PCDHGA11: variants seen among roughly 807,000 people sequenced by gnomAD.
PCDHGA11 encodes protocadherin gamma subfamily A, 11.
A neutral mutation model predicts 60.4 loss-of-function variants in PCDHGA11; 39 were observed. The ratio of observed to expected loss-of-function variants is 0.65; its 90% CI spans 0.50 to 0.84. The LOEUF (loss-of-function observed/expected upper bound fraction) is 0.84. PCDHGA11 is among the 40% of genes least tolerant of loss of function. The pLI is 0.00. For synonymous variants in PCDHGA11, 533 were observed against 510.3 expected (o/e 1.04, Z -0.60); for missense variants, 1,165 against 1,197.7 (o/e 0.97, Z 0.40).
Position 141,438,593 on chromosome 5 carries a change from T to TAC in PCDHGA11, c.2433+14934_2433+14935insCA, listed in dbSNP as rs1414976871. Reference sequence around the variant, plus strand: ...TGATATACATACATACATACATACATATATATATATATATATATATATATA... The same window carrying TAC: ...TGATATACATACATACATACATACATACATATATATATATATATATATATATA... On this transcript the variant is annotated intron_variant, in intron 1 of 3. Transcript: ENST00000398587. Among the ~76,000 whole-genome samples the TAC allele has an allele frequency of 1.6e-3, 115 of 73,944 alleles. 1 individual carries two copies. The highest frequency in any genetic ancestry group is 2.9e-3 in the African/African-American group (63 of 21,786). The allele number at this position is 73,944 out of a possible 152,430, so 48.5% of individuals were successfully genotyped here. A position where few individuals can be genotyped will look rare whatever the true frequency, so the allele number is the denominator to read the frequency against.
intron 1 of PCDHGA11, chr5:141,427,807 A>C (rs1443881781): frequency 6.6e-7 from 1 of 1,522,050 alleles, no homozygotes; most frequent in South Asian, 1.1e-5. Flanking sequence ...GTGAGCGCAC[A>C]GAGCGGGGTG....
chr5:141,490,232 A>G lies in PCDHGA11; in HGVS notation c.2434-4575A>G. 6.2e-7 allele frequency: 1 copy of G among 1,614,216 alleles called. No homozygotes were observed. Among genetic ancestry groups the G allele is most frequent in the Non-Finnish European group, 8.5e-7 (1 of 1,180,032 alleles). ...CGTGACCAGGGACAGCCTGCCATGG[A>G]GGGCCACTGTGTGATTCAAGTGGAT... On this transcript the variant is annotated intron_variant, in intron 1 of 3. Transcript: ENST00000398587. This position sits in a 1 kb window ranked among gnomAD's most constrained non-coding sequence, Gnocchi z 5.4.
At position 141,512,430 on chromosome 5, in the gene PCDHGA11, CT is replaced by C. The variant is rs1357890225; in HGVS notation, c.*1258del. The C allele has an allele frequency of 1.3e-5, 2 of 152,824 alleles. No homozygotes were observed. Among genetic ancestry groups the C allele is most frequent in the Non-Finnish European group, 2.9e-5 (2 of 68,158 alleles). 9.5% of individuals were successfully genotyped at this position (152,824 alleles called of 1,614,324 possible). On this transcript the variant is annotated 3_prime_UTR_variant, in exon 4 of 4. Coordinates refer to ENST00000398587, the MANE Select transcript of PCDHGA11 (RefSeq NM_018914.3). ...CTTCTTCAACAGGGCCCCTGCCCTCCTGAAGCCTCAGTCCTTCACCTTGCCA... is the reference window on the plus strand; with the variant it reads ...CTTCTTCAACAGGGCCCCTGCCCTCCGAAGCCTCAGTCCTTCACCTTGCCA...
rs1386904017 is a variant in PCDHGA11 at position 141,476,642 on chromosome 5, CG to C, written c.2434-18164del. On this transcript the variant is annotated intron_variant, in intron 1 of 3. Coordinates refer to ENST00000398587, the MANE Select transcript of PCDHGA11 (RefSeq NM_018914.3). The surrounding 1 kb of genome is among the most constrained non-coding windows in gnomAD (Gnocchi z 7.6). ...CTCTTTACAAACCTATGAGCTGAGC[CG>C]AAATGAATACTTTGCGCTTCGCGTG... The C allele has an allele frequency of 2.5e-6, 4 of 1,614,240 alleles. No homozygotes were observed.
chr5:141,428,117 G>A lies in PCDHGA11; in HGVS notation c.2433+4457G>A, dbSNP rs980705077. 5 of 1,606,984 alleles carry A rather than the reference G, an allele frequency of 3.1e-6. No individual in the cohort carries two copies. The African/African-American group carries it at 6.7e-5, about 21-fold the overall frequency. Reference sequence around the variant, plus strand: ...CCTACCACGTGCTGCAGGCCATCGAGCCCGGGCTTTTCAGCCTGGGGCTGC... The same window carrying A: ...CCTACCACGTGCTGCAGGCCATCGAACCCGGGCTTTTCAGCCTGGGGCTGC... On this transcript the variant is annotated intron_variant, in intron 1 of 3. Coordinates refer to ENST00000398587, the MANE Select transcript of PCDHGA11 (RefSeq NM_018914.3).
In PCDHGA11 at chr5:141,476,659, G is replaced by A; in HGVS notation, c.2434-18148G>A. On this transcript the variant is annotated intron_variant, in intron 1 of 3. Coordinates refer to ENST00000398587, the MANE Select transcript of PCDHGA11 (RefSeq NM_018914.3). The surrounding 1 kb of genome is among the most constrained non-coding windows in gnomAD (Gnocchi z 7.6). ...AGCTGAGCCGAAATGAATACTTTGC[G>A]CTTCGCGTGCAGACGCGGGAGGACA... 2 of 1,614,252 alleles carry A rather than the reference G, an allele frequency of 1.2e-6. No homozygotes were observed. Among genetic ancestry groups the A allele is most frequent in the Non-Finnish European group, 8.5e-7 (1 of 1,180,048 alleles).
intron 1 of PCDHGA11, 62 bp downstream of exon 1, chr5:141,423,722 G>T: frequency 1.0e-6 from 1 of 954,174 alleles, no homozygotes; most frequent in Non-Finnish European, 1.3e-6. Flanking sequence ...TTAAGGAGAT[G>T]TTTTTTGAGC....
chr5:141,425,956 C>T (rs1221085532), intron 1 of PCDHGA11, among the ~76,000 whole-genome samples: 1 of 152,244 alleles, frequency 6.6e-6, no homozygotes, highest in Non-Finnish European at 1.5e-5. Flanking sequence ...ATACATTAGT[C>T]CAACACATCA....
At chr5:141,466,709 T>C (rs2099127779) in intron 1 of PCDHGA11, among the ~76,000 whole-genome samples, 1 of 152,212 alleles carries the variant, frequency 6.6e-6, no homozygotes, top group Non-Finnish European at 1.5e-5. Flanking sequence ...TGATGTCTGT[T>C]CTTGTTTCCA....
At position 141,464,036 on chromosome 5, in the gene PCDHGA11, G is replaced by A. The variant is rs907276618; in HGVS notation, c.2434-30771G>A. On this transcript the variant is annotated intron_variant, in intron 1 of 3. Coordinates refer to ENST00000398587, the MANE Select transcript of PCDHGA11 (RefSeq NM_018914.3). ...ATCCCACACTTTGGGAGGCCAAGGC[G>A]GGTGGATCACCTGAGGTCAGGAGTT... Among the ~76,000 whole-genome samples the A allele has an allele frequency of 2.6e-5, 4 of 152,096 alleles. No individual in the cohort carries two copies. The East Asian group carries it at 5.8e-4, about 22-fold the overall frequency.
chr5:141,455,343 G>A (rs1462807460), intron 1 of PCDHGA11, among the ~76,000 whole-genome samples: 1 of 152,036 alleles, frequency 6.6e-6, no homozygotes, highest in African/African-American at 2.4e-5. Flanking sequence ...TTTAAGGAGC[G>A]GAGAGTTTAA....
chr5:141,421,147 G>A lies in PCDHGA11; in HGVS notation c.-81G>A. The A allele has an allele frequency of 9.8e-7, 1 of 1,019,036 alleles. No individual in the cohort carries two copies. Among genetic ancestry groups the A allele is most frequent in the South Asian group, 1.7e-5 (1 of 59,218 alleles). The allele number at this position is 1,019,036 out of a possible 1,614,324, so 63.1% of individuals were successfully genotyped here. A position where few individuals can be genotyped will look rare whatever the true frequency, so the allele number is the denominator to read the frequency against. ...TTTCTGATATATTTTGGATGTAGTC[G>A]GCCTAGGACTTCATAGATACATAAG... On this transcript the variant is annotated 5_prime_UTR_variant, in exon 1 of 4. Transcript: ENST00000398587.
chr5:141,506,444 CAAAAAA>C (rs1219684339), intron 3 of PCDHGA11, among the ~76,000 whole-genome samples: 1 of 95,026 alleles, frequency 1.1e-5, no homozygotes, highest in African/African-American at 4.0e-5. Flanking sequence ...CGCTCTGTCT[CAAAAAA>C]AAAAAAAAAA....
At chr5:141,447,696 G>A (rs1273958794) in intron 1 of PCDHGA11, among the ~76,000 whole-genome samples, 1 of 152,096 alleles carries the variant, frequency 6.6e-6, no homozygotes, top group Non-Finnish European at 1.5e-5. Context: ...TAGAGGGATG[G>A]GTTATAAGGA....
intron 1 of PCDHGA11, among the ~76,000 whole-genome samples, chr5:141,455,904 TTTATTTA>T: frequency 6.8e-6 from 1 of 147,982 alleles, no homozygotes. Flanking sequence ...TATTTATTTA[TTTATTTA>T]TTTTGAGACG....
chr5:141,486,091 G>T lies in PCDHGA11; in HGVS notation c.2434-8716G>T. ...CTACTGGAAAGCTTACTCTTTTGGG[G>T]CCCCTAGACTTTGAGAGTGAGAATT... On this transcript the variant is annotated intron_variant, in intron 1 of 3. Coordinates refer to ENST00000398587, the MANE Select transcript of PCDHGA11 (RefSeq NM_018914.3). This position sits in a 1 kb window ranked among gnomAD's most constrained non-coding sequence, Gnocchi z 5.0. 1 of 1,614,158 alleles carries T rather than the reference G, an allele frequency of 6.2e-7. No homozygotes were observed. Among genetic ancestry groups the T allele is most frequent in the South Asian group, 1.1e-5 (1 of 91,078 alleles).
In PCDHGA11 at chr5:141,500,527, A is replaced by C. The variant is rs937551961; in HGVS notation, c.2493-4866A>C. On this transcript the variant is annotated intron_variant, in intron 2 of 3. Transcript: ENST00000398587. ...CCTGGCCGAGCTTCATTTTAAAAAA[A>C]TCTCATTCACCTAAATAAGTTGTTC... is the stretch of plus-strand genomic sequence containing the variant. 5.9e-5 allele frequency among the ~76,000 whole-genome samples: 9 copies of C among 152,298 alleles called. No individual in the cohort carries two copies. The South Asian group carries it at 6.2e-4, about 11-fold the overall frequency.
rs201673318 is a variant in PCDHGA11, at chr5:141,421,626, C to G, written c.399C>G (p.Ser133Arg). The change falls in exon 1 of 4, where the codon AGC becomes AGG. Residue 133 changes from serine to arginine, a missense_variant. Ser to Arg is a moderately radical substitution (Grantham distance 110, BLOSUM62 -1). Coordinates refer to ENST00000398587, the MANE Select transcript of PCDHGA11 (RefSeq NM_018914.3). ...EIIDINDNAP[S>R]FQEDEVEIKV... ...TAGATATTAATGATAACGCCCCCAG[C>G]TTCCAGGAGGACGAAGTGGAGATAA... 1.9e-6 allele frequency: 3 copies of G among 1,613,842 alleles called. No individual in the cohort carries two copies. In the African/African-American group the frequency reaches 4.0e-5, roughly 21 times the overall value.
At chr5:141,501,718 A>G (rs914077060) in intron 2 of PCDHGA11, among the ~76,000 whole-genome samples, 1 of 152,152 alleles carries the variant, frequency 6.6e-6, no homozygotes, top group Non-Finnish European at 1.5e-5. Flanking sequence ...AAAAAGACAA[A>G]TATATTACCC....
Sources: gnomAD v4.1 joint callset for allele counts (sites outside exome capture counted in the v4.1 genomes callset) on GRCh38, gnomAD v4.1.1 for gene constraint, Gnocchi (gnomAD v3.1) non-coding constraint, MANE v1.5 for transcripts, NCBI Gene and HGNC (gene_info 2026-07-23, HGNC 2026-07-21) for gene names.